The following KLHL3 variants were observed in gnomAD, a reference collection of about 807,000 sequenced individuals.
KLHL3 encodes kelch-like protein 3.
KLHL3 carries 19 observed loss-of-function variants against 70.5 expected under a neutral mutation model. The observed-to-expected ratio is 0.27, with a 90% confidence interval of 0.19 to 0.40. The LOEUF is 0.40. Among genes scored for constraint, KLHL3 ranks in the 10% least tolerant of loss-of-function variants. The pLI is 1.00. For synonymous variants in KLHL3, 258 were observed against 290.3 expected, an observed-to-expected ratio of 0.89 and a Z score of 1.13; for missense variants, 512 against 771.1, an observed-to-expected ratio of 0.66 and a Z score of 3.98.
intron 8 of KLHL3, among the ~76,000 whole-genome samples, chr5:137,644,193 C>T (rs957387930): frequency 6.6e-6 from 1 of 152,140 alleles, no homozygotes; most frequent in African/African-American, 2.4e-5. Flanking sequence ...CTCAGCCTCC[C>T]ATGTAGCTGA....
intron 8 of KLHL3, among the ~76,000 whole-genome samples, chr5:137,654,023 A>G (rs2149893732): frequency 6.6e-6 from 1 of 152,358 alleles, no homozygotes; most frequent in South Asian, 2.1e-4. Context: ...GATTCCATTT[A>G]TATGACACTC....
At chr5:137,691,341 C>T (rs1752316904) in intron 5 of KLHL3, among the ~76,000 whole-genome samples, 1 of 152,162 alleles carries the variant, frequency 6.6e-6, no homozygotes, top group Admixed American at 6.5e-5. Context: ...AGGGGGGTGG[C>T]TGCATGTGTA....
intron 5 of KLHL3, among the ~76,000 whole-genome samples, chr5:137,690,276 G>T (rs1226414031): frequency 6.6e-6 from 1 of 150,930 alleles, no homozygotes; most frequent in Non-Finnish European, 1.5e-5. Context: ...GCAGTGAGCC[G>T]AGATTGCACC....
intron 12 of KLHL3, among the ~76,000 whole-genome samples, chr5:137,632,856 C>T (rs969532958): frequency 6.6e-6 from 1 of 152,148 alleles, no homozygotes; most frequent in African/African-American, 2.4e-5. Context: ...GATATACATA[C>T]AGACATTTCT....
chr5:137,676,016 G>A (rs998628350), intron 6 of KLHL3, among the ~76,000 whole-genome samples: 4 of 152,154 alleles, frequency 2.6e-5, no homozygotes, highest in Non-Finnish European at 5.9e-5. Context: ...TGGTAAGAAG[G>A]AAGGGCATCC....
chr5:137,728,859 G>GA (rs1753126124), intron 1 of KLHL3, among the ~76,000 whole-genome samples: 3 of 150,966 alleles, frequency 2.0e-5, no homozygotes. Context: ...AAGAGGAGCA[G>GA]AAAAAATAAC....
chr5:137,647,651 A>G (rs769996121), intron 8 of KLHL3: 5 of 463,700 alleles, frequency 1.1e-5, no homozygotes, highest in Non-Finnish European at 2.3e-5. Context: ...CAGGGCTAAC[A>G]CCAACAATTC....
intron 1 of KLHL3, among the ~76,000 whole-genome samples, chr5:137,730,422 G>A (rs555231660): frequency 1.3e-5 from 2 of 152,300 alleles, no homozygotes; most frequent in South Asian, 4.1e-4. Context: ...AGTGTGTACT[G>A]GAGTCAGTGT....
chr5:137,699,224 G>A lies in KLHL3; in HGVS notation c.242-816C>T, dbSNP rs572403557. Among the ~76,000 whole-genome samples, 47 of 152,312 alleles carry A rather than the reference G, an allele frequency of 3.1e-4. 1 individual carries two copies. The South Asian group carries it at 9.8e-3, about 32-fold the overall frequency. On this transcript the variant is annotated intron_variant, in intron 3 of 14. Coordinates refer to ENST00000309755, the MANE Select transcript of KLHL3 (RefSeq NM_017415.3). ...AGGACGAGTTCTACAGGCAGCAAAG[G>A]TGAGGAAGGATGAGCTGAATCTGGG...
intron 12 of KLHL3, chr5:137,629,399 C>T (rs1048180549): frequency 6.6e-6 from 1 of 152,192 alleles, no homozygotes; most frequent in Non-Finnish European, 1.5e-5. Flanking sequence ...ACTCCATGGG[C>T]AGGCTGCATC....
intron 8 of KLHL3, among the ~76,000 whole-genome samples, chr5:137,652,825 C>G (rs529083872): frequency 2.6e-5 from 4 of 151,638 alleles, no homozygotes. Context: ...GTTCTTACCA[C>G]AAAAAAATAA....
At chr5:137,626,720 C>G (rs1224523452) in intron 13 of KLHL3, among the ~76,000 whole-genome samples, 3 of 152,186 alleles carry the variant, frequency 2.0e-5, no homozygotes, top group Non-Finnish European at 4.4e-5. Context: ...AATTCTACTT[C>G]TGGCCAGGCA....
chr5:137,732,944 T>C (rs949713400), intron 1 of KLHL3, among the ~76,000 whole-genome samples: 2 of 152,238 alleles, frequency 1.3e-5, no homozygotes, highest in Non-Finnish European at 2.9e-5. Flanking sequence ...TAGGTCTATG[T>C]TACTCCAAAG....
At chr5:137,641,462 C>G (rs1750912851) in intron 8 of KLHL3, among the ~76,000 whole-genome samples, 1 of 152,008 alleles carries the variant, frequency 6.6e-6, no homozygotes, top group Admixed American at 6.6e-5. Flanking sequence ...TGAGAACCAC[C>G]TTTTTAATCC....
At chr5:137,722,905 G>C (rs1389218621) in intron 1 of KLHL3, among the ~76,000 whole-genome samples, 2 of 152,214 alleles carry the variant, frequency 1.3e-5, no homozygotes, top group African/African-American at 2.4e-5. Flanking sequence ...CTGGCCTCAA[G>C]TGATCTGCTC....
chr5:137,693,266 C>A (rs759567694), intron 4 of KLHL3, among the ~76,000 whole-genome samples: 33 of 152,180 alleles, frequency 2.2e-4, no homozygotes, highest in Admixed American at 4.6e-4. Context: ...AAGCAAAGAA[C>A]ATCTTTAGGT....
At position 137,709,746 on chromosome 5, in the gene KLHL3, A is replaced by G. The variant is rs1752757084; in HGVS notation, c.241+4T>C. The G allele has an allele frequency of 6.2e-7, 1 of 1,611,628 alleles. No individual in the cohort carries two copies. The highest frequency in any genetic ancestry group is 2.2e-5 in the East Asian group (1 of 44,856). ...CATGGGTTAATGGTGGCCACTCACC[A>G]TACCTGTGAACATCGCACAGAAGTA... is the stretch of plus-strand genomic sequence containing the variant. On this transcript the variant is annotated splice_donor_region_variant and intron_variant, in intron 3 of 14. Coordinates refer to ENST00000309755, the MANE Select transcript of KLHL3 (RefSeq NM_017415.3).
chr5:137,720,378 G>A lies in KLHL3; in HGVS notation c.134+87C>T, dbSNP rs971640565. On this transcript the variant is annotated intron_variant, in intron 2 of 14. Coordinates refer to ENST00000309755, the MANE Select transcript of KLHL3 (RefSeq NM_017415.3). Reference sequence around the variant, plus strand: ...GGAAAGAGTCAGAATTCCCTAGGTGGTCATGTTCTGACTTCTGTTCTCAGT... The same window carrying A: ...GGAAAGAGTCAGAATTCCCTAGGTGATCATGTTCTGACTTCTGTTCTCAGT... 5 of 1,481,606 alleles carry A rather than the reference G, an allele frequency of 3.4e-6. No homozygotes were observed. The Admixed American group carries it at 8.7e-5, about 26-fold the overall frequency. 91.8% of individuals were successfully genotyped at this position (1,481,606 alleles called of 1,614,324 possible).
chr5:137,698,421 A>G lies in KLHL3; in HGVS notation c.242-13T>C. ...TCAGACATGTCACCTAGAGTTTACA[A>G]CAAAAACAAAATGACATAAATGTGG... On this transcript the variant is annotated splice_polypyrimidine_tract_variant and intron_variant, in intron 3 of 14. Transcript: ENST00000309755. 1 of 1,614,052 alleles carries G rather than the reference A, an allele frequency of 6.2e-7. No homozygotes were observed. Among genetic ancestry groups the G allele is most frequent in the Non-Finnish European group, 8.5e-7 (1 of 1,179,988 alleles).
Sources: gnomAD v4.1 joint callset for allele counts (sites outside exome capture counted in the v4.1 genomes callset) on GRCh38, gnomAD v4.1.1 for gene constraint, MANE v1.5 for transcripts, NCBI Gene and HGNC (gene_info 2026-07-23, HGNC 2026-07-21) for gene names.